The following ABI1 variants were observed in gnomAD, a reference collection of about 807,000 sequenced individuals.
The protein encoded by ABI1 is abl interactor 1.
A neutral mutation model predicts 54.6 loss-of-function variants in ABI1; 14 were observed. The ratio of observed to expected loss-of-function variants is 0.26; its 90% confidence interval spans 0.17 to 0.40. ABI1 has a LOEUF of 0.40. Ranked by LOEUF, ABI1 falls within the 10% of genes least tolerant of loss-of-function variation. The pLI is 1.00. For missense variants in ABI1, 443 were observed against 598.3 expected, an observed-to-expected ratio of 0.74 and a Z score of 2.71; for synonymous variants, 194 against 209.3, an observed-to-expected ratio of 0.93 and a Z score of 0.63.
chr10:26,828,858 G>C (rs2048475907), intron 1 of ABI1, among the ~76,000 whole-genome samples: 1 of 152,164 alleles, frequency 6.6e-6, no homozygotes, highest in Non-Finnish European at 1.5e-5. Flanking sequence ...GAAATTTGGG[G>C]CATGGTTCAA....
intron 2 of ABI1, among the ~76,000 whole-genome samples, chr10:26,811,657 T>C (rs1389823070): frequency 1.3e-5 from 2 of 152,160 alleles, no homozygotes; most frequent in South Asian, 2.1e-4. Context: ...AAGAATATTA[T>C]ACAATTTTAT....
chr10:26,756,506 G>A (rs757345494), intron 8 of ABI1, among the ~76,000 whole-genome samples: 2 of 152,064 alleles, frequency 1.3e-5, no homozygotes, highest in South Asian at 2.1e-4. Flanking sequence ...GTTAAAATAC[G>A]TAGTTCTTTG....
At chr10:26,761,160 T>C (rs905022924) in intron 7 of ABI1, among the ~76,000 whole-genome samples, 3 of 151,918 alleles carry the variant, frequency 2.0e-5, no homozygotes, top group Non-Finnish European at 4.4e-5. Flanking sequence ...CAGGGTGGTC[T>C]TGTCCTGGGC....
At chr10:26,803,544 T>C (rs1347415560) in intron 2 of ABI1, among the ~76,000 whole-genome samples, 1 of 152,216 alleles carries the variant, frequency 6.6e-6, no homozygotes, top group African/African-American at 2.4e-5. Flanking sequence ...TAATCTACGT[T>C]ATCCTTTTCA....
chr10:26,841,186 T>A (rs2049471847), intron 1 of ABI1, among the ~76,000 whole-genome samples: 1 of 152,200 alleles, frequency 6.6e-6, no homozygotes, highest in Admixed American at 6.5e-5. Flanking sequence ...CCACTCTTGC[T>A]CTAGAAAAGT....
intron 8 of ABI1, among the ~76,000 whole-genome samples, chr10:26,758,789 C>T (rs991683740): frequency 3.3e-5 from 5 of 152,096 alleles, no homozygotes; most frequent in East Asian, 3.8e-4. Flanking sequence ...GTAATAAAAT[C>T]GCATATTAAA....
rs144064990 is a variant in ABI1 at position 26,773,007 on chromosome 10, G to T, written c.463-1918C>A. 4.5e-3 allele frequency among the ~76,000 whole-genome samples: 677 copies of T among 152,096 alleles called. 5 individuals carry two copies. Among genetic ancestry groups the T allele is most frequent in the African/African-American group, 9.6e-3 (399 of 41,512 alleles). ...AGGGAGGATCACTTGAGCCTAGAAA[G>T]TTGTGAGCTGTGATTGAGCTATTGC... On this transcript the variant is annotated intron_variant, in intron 3 of 10. Transcript: ENST00000376140.
In ABI1 at chr10:26,748,050, ATAT is replaced by A; in HGVS notation, c.*517_*519del. 4.9e-6 allele frequency: 1 copy of A among 205,806 alleles called. No individual in the cohort carries two copies. Among genetic ancestry groups the A allele is most frequent in the East Asian group, 7.5e-5 (1 of 13,282 alleles). 12.7% of individuals were successfully genotyped at this position (205,806 alleles called of 1,614,324 possible). ...ACCTAAGTACGAGTCCTCCAGGTAA[ATAT>A]TACACAAATGGGAAGCATCTTGAAT... On this transcript the variant is annotated 3_prime_UTR_variant, in exon 11 of 11. Transcript: ENST00000376140.
At chr10:26,858,801 G>A (rs891117977) in intron 1 of ABI1, among the ~76,000 whole-genome samples, 6 of 152,014 alleles carry the variant, frequency 3.9e-5, no homozygotes, top group Middle Eastern at 3.2e-3. Context: ...GTTAAAACAC[G>A]TTTACAGTTA....
At chr10:26,848,200 CAAAAAAAAAAAAAAAAA>C (rs149066426) in intron 1 of ABI1, among the ~76,000 whole-genome samples, 1 of 78,690 alleles carries the variant, frequency 1.3e-5, no homozygotes, top group Non-Finnish European at 2.5e-5. Context: ...GACCCTGTCT[CAAAAAAAAAAAAAAAAA>C]AAAAAGAAGA....
At chr10:26,752,658 C>T (rs1006449611) in intron 9 of ABI1, among the ~76,000 whole-genome samples, 9 of 152,032 alleles carry the variant, frequency 5.9e-5, no homozygotes, top group African/African-American at 2.2e-4. Flanking sequence ...AAAAATGACT[C>T]ATACCTCAAA....
At chr10:26,828,127 T>C (rs955293564) in intron 1 of ABI1, among the ~76,000 whole-genome samples, 5 of 152,208 alleles carry the variant, frequency 3.3e-5, no homozygotes, top group Admixed American at 2.0e-4. Context: ...CATAGGGTTA[T>C]GAATTGGCCC....
chr10:26,803,227 A>T (rs956966034), intron 2 of ABI1, among the ~76,000 whole-genome samples: 3 of 152,212 alleles, frequency 2.0e-5, no homozygotes, highest in Non-Finnish European at 4.4e-5. Context: ...GAGGGAAAAA[A>T]AGGGAAAAGA....
At chr10:26,842,670 C>T (rs2049614184) in intron 1 of ABI1, among the ~76,000 whole-genome samples, 1 of 152,028 alleles carries the variant, frequency 6.6e-6, no homozygotes, top group Admixed American at 6.6e-5. Flanking sequence ...ATTCAAAATA[C>T]AAAAATCAGG....
At chr10:26,799,496 C>T (rs764746442) in intron 2 of ABI1, among the ~76,000 whole-genome samples, 5 of 152,084 alleles carry the variant, frequency 3.3e-5, no homozygotes, top group South Asian at 2.1e-4. Flanking sequence ...AAAATGAGCA[C>T]GTGCAACTGC....
chr10:26,791,068 CAAAA>C (rs369738380), intron 2 of ABI1, among the ~76,000 whole-genome samples: 294 of 59,160 alleles, frequency 5.0e-3, no homozygotes, highest in African/African-American at 0.016. Context: ...GATTCCGTCT[CAAAA>C]AAAAAAAAAA....
intron 7 of ABI1, among the ~76,000 whole-genome samples, chr10:26,762,619 C>T (rs979360487): frequency 3.9e-5 from 6 of 152,128 alleles, no homozygotes; most frequent in African/African-American, 1.4e-4. Context: ...TACACAAGTA[C>T]ACATTTCATT....
chr10:26,797,665 T>C (rs1251770589), intron 2 of ABI1, among the ~76,000 whole-genome samples: 1 of 152,078 alleles, frequency 6.6e-6, no homozygotes, highest in Non-Finnish European at 1.5e-5. Flanking sequence ...AAAAACCTGA[T>C]CTGGCTGAAT....
At chr10:26,769,038 AAT>A in intron 5 of ABI1, 46 bp from the exon 6 acceptor site, 2 of 1,442,042 alleles carry the variant, frequency 1.4e-6, no homozygotes, top group Non-Finnish European at 1.8e-6. Context: ...AAAAAGATAA[AAT>A]TGTATTTTTC....
Sources: allele counts gnomAD v4.1 joint callset (sites outside exome capture counted in the v4.1 genomes callset), GRCh38; gene constraint gnomAD v4.1.1; transcripts MANE v1.5; gene names NCBI Gene and HGNC (gene_info 2026-07-23, HGNC 2026-07-21).